BTF3L4: variants seen among roughly 807,000 people sequenced by gnomAD.
The protein encoded by BTF3L4 is basic transcription factor 3 like 4, also known as transcription factor BTF3 homolog 4.
BTF3L4 carries 6 observed loss-of-function variants against 16.8 expected under a neutral mutation model. The observed-to-expected ratio is 0.36, with a 90% confidence interval of 0.20 to 0.71. BTF3L4 has a LOEUF of 0.71. Among genes scored for constraint, BTF3L4 ranks in the 30% least tolerant of loss-of-function variants. The pLI, the probability that BTF3L4 is intolerant of heterozygous loss-of-function variation, is 0.58. For synonymous variants in BTF3L4, 39 were observed against 59.8 expected (o/e 0.65, Z 1.60); for missense variants, 92 against 186.9 (o/e 0.49, Z 2.96).
intron 3 of BTF3L4, among the ~76,000 whole-genome samples, chr1:52,066,774 A>T (rs1222524435): frequency 6.6e-6 from 1 of 151,596 alleles, no homozygotes; most frequent in Non-Finnish European, 1.5e-5. Flanking sequence ...TGAACCCAGG[A>T]TGGGGAGCTT....
intron 3 of BTF3L4, among the ~76,000 whole-genome samples, chr1:52,072,124 G>A (rs547966352): frequency 1.1e-4 from 16 of 150,346 alleles, no homozygotes; most frequent in Admixed American, 7.3e-4. Context: ...GTGCGATCTC[G>A]GCTCACTGCA....
At chr1:52,067,067 C>G (rs528677806) in intron 3 of BTF3L4, among the ~76,000 whole-genome samples, 70 of 151,892 alleles carry the variant, frequency 4.6e-4, no homozygotes, top group African/African-American at 1.6e-3. Context: ...TGAGACCCGT[C>G]TCTACTAAAT....
At chr1:52,061,539 A>G (rs1686509848) in intron 2 of BTF3L4, among the ~76,000 whole-genome samples, 1 of 151,916 alleles carries the variant, frequency 6.6e-6, no homozygotes, top group Non-Finnish European at 1.5e-5. Flanking sequence ...AGATAGAGTA[A>G]AAAGGGTTGT....
rs1476837068 is a variant in BTF3L4 at position 52,087,669 on chromosome 1, G to A, written c.*911G>A. The A allele has an allele frequency of 2.0e-5, 3 of 152,294 alleles. No individual in the cohort carries two copies. The highest frequency in any genetic ancestry group is 7.2e-5 in the African/African-American group (3 of 41,434). 9.4% of individuals were successfully genotyped at this position (152,294 alleles called of 1,614,324 possible). On this transcript the variant is annotated 3_prime_UTR_variant, in exon 6 of 6. Coordinates refer to ENST00000313334, the MANE Select transcript of BTF3L4 (RefSeq NM_152265.5). Reference sequence around the variant, plus strand: ...GATTTCAAACTGGAATAGCTAGCATGTGCTTGCTAAATAATTTTATGCCAG... The same window carrying A: ...GATTTCAAACTGGAATAGCTAGCATATGCTTGCTAAATAATTTTATGCCAG...
chr1:52,080,537 T>G (rs1396693331), intron 3 of BTF3L4, among the ~76,000 whole-genome samples: 1 of 129,596 alleles, frequency 7.7e-6, no homozygotes, highest in African/African-American at 2.9e-5. Flanking sequence ...TTTTTTTTTT[T>G]TTTTTTTTTT....
chr1:52,071,046 G>A (rs372147578), intron 3 of BTF3L4: 11 of 152,086 alleles, frequency 7.2e-5, no homozygotes, highest in East Asian at 1.9e-4. Flanking sequence ...ATATTTGAAT[G>A]TGCTTGTTAT....
intron 2 of BTF3L4, among the ~76,000 whole-genome samples, chr1:52,064,048 T>G (rs1686584200): frequency 6.6e-6 from 1 of 152,258 alleles, no homozygotes; most frequent in African/African-American, 2.4e-5. Context: ...CTAGGCTACA[T>G]AATCTGGTCC....
In BTF3L4 at chr1:52,083,304, G is replaced by T. The variant is rs2124445879; in HGVS notation, c.169-36G>T. ...AAAATATATTGTTTTAGTGTACCTA[G>T]CATGTGAAGTACATTTTTCTTCTGT... On this transcript the variant is annotated intron_variant, in intron 3 of 5. Coordinates refer to ENST00000313334, the MANE Select transcript of BTF3L4 (RefSeq NM_152265.5). 3 of 1,512,186 alleles carry T rather than the reference G, an allele frequency of 2.0e-6. No homozygotes were observed. In the East Asian group the frequency reaches 6.8e-5, roughly 34 times the overall value. 93.7% of individuals were successfully genotyped at this position (1,512,186 alleles called of 1,614,324 possible).
intron 2 of BTF3L4, among the ~76,000 whole-genome samples, 157 bp from the exon 3 acceptor site, chr1:52,064,668 G>A (rs950761300): frequency 2.6e-5 from 4 of 152,204 alleles, no homozygotes; most frequent in Admixed American, 2.6e-4. Context: ...GCGTTAGGCT[G>A]ACAATCACAA....
intron 4 of BTF3L4, among the ~76,000 whole-genome samples, chr1:52,085,037 TTGAGACAG>T (rs1643958639): frequency 1.4e-5 from 2 of 142,960 alleles, no homozygotes; most frequent in Non-Finnish European, 3.0e-5. Flanking sequence ...TTTTTTTTTT[TTGAGACAG>T]AGTCTTGCTC....
chr1:52,071,931 C>CTGTGTGTGTGTGTG (rs59491944), intron 3 of BTF3L4, among the ~76,000 whole-genome samples: 14 of 127,972 alleles, frequency 1.1e-4, no homozygotes, highest in Middle Eastern at 4.0e-3. Flanking sequence ...GTTTTTTACT[C>CTGTGTGTGTGTGTG]TGTGTGTGTG....
intron 3 of BTF3L4, among the ~76,000 whole-genome samples, chr1:52,067,016 C>T (rs924641602): frequency 2.0e-5 from 3 of 152,006 alleles, no homozygotes; most frequent in African/African-American, 7.2e-5. Flanking sequence ...GTGGGCAGAT[C>T]TTCTGAGGTC....
At position 52,089,706 on chromosome 1, in the gene BTF3L4, T is replaced by C. The variant is rs1644002371; in HGVS notation, c.*2948T>C. The C allele has an allele frequency of 1.3e-5, 2 of 152,208 alleles. No homozygotes were observed. The allele number at this position is 152,208 out of a possible 1,614,324, so 9.4% of individuals were successfully genotyped here. A position where few individuals can be genotyped will look rare whatever the true frequency, so the allele number is the denominator to read the frequency against. On this transcript the variant is annotated 3_prime_UTR_variant, in exon 6 of 6. Transcript: ENST00000313334. Reference sequence around the variant, plus strand: ...TAGTCCTTTGAGGTTTTTTTGTTTTTGTTTTTGTTCTTTGTAAAGCGCCTT... The same window carrying C: ...TAGTCCTTTGAGGTTTTTTTGTTTTCGTTTTTGTTCTTTGTAAAGCGCCTT...
At chr1:52,079,411 C>A (rs1643894447) in intron 3 of BTF3L4, among the ~76,000 whole-genome samples, 1 of 150,066 alleles carries the variant, frequency 6.7e-6, no homozygotes, top group Admixed American at 6.7e-5. Flanking sequence ...AGAAAATATT[C>A]TAGCTGTTTT....
chr1:52,088,610 C>T lies in BTF3L4; in HGVS notation c.*1852C>T, dbSNP rs1490775087. The T allele has an allele frequency of 6.6e-6, 1 of 152,352 alleles. No homozygotes were observed. The highest frequency in any genetic ancestry group is 2.4e-5 in the African/African-American group (1 of 41,418). The allele number at this position is 152,352 out of a possible 1,614,324, so 9.4% of individuals were successfully genotyped here. ...GTGGAGGCAGAGTTAGGGGGAACCA[C>T]TTCAAGTGGTTAGGGACAGATAAAT... On this transcript the variant is annotated 3_prime_UTR_variant, in exon 6 of 6. Coordinates refer to ENST00000313334, the MANE Select transcript of BTF3L4 (RefSeq NM_152265.5).
At position 52,086,840 on chromosome 1, in the gene BTF3L4, A is replaced by T. The variant is rs536957423; in HGVS notation, c.*82A>T. ...CCAAAGTTTTACAGACATGGAGAAC[A>T]TCACCTGTTACTAGTTCAGTAATAT... On this transcript the variant is annotated 3_prime_UTR_variant, in exon 6 of 6. Transcript: ENST00000313334. The T allele has an allele frequency of 6.4e-4, 496 of 772,196 alleles. 1 individual carries two copies. Among genetic ancestry groups the T allele is most frequent in the Admixed American group, 9.8e-4 (38 of 38,784 alleles). 47.8% of individuals were successfully genotyped at this position (772,196 alleles called of 1,614,324 possible).
In BTF3L4 at chr1:52,083,348, G is replaced by A; in HGVS notation, c.177G>A (p.Met59Ile). ...NNIAGIEEVNMIKDDGTVIHF... is the reference protein window; with the variant it reads ...NNIAGIEEVNIIKDDGTVIHF... ...CTTCTGTGATCATACAGGTGAACAT[G>A]ATTAAAGATGATGGGACAGTTATTC... Residue 59 changes from methionine to isoleucine, a missense_variant, in exon 4 of 6, where the codon ATG (methionine) becomes ATA (isoleucine). By Grantham distance (10) the Met-to-Ile change is conservative. Transcript: ENST00000313334. 2 of 1,612,448 alleles carry A rather than the reference G, an allele frequency of 1.2e-6. No individual in the cohort carries two copies. The highest frequency in any genetic ancestry group is 8.5e-7 in the Non-Finnish European group (1 of 1,178,704).
chr1:52,077,022 G>A (rs1205493363), intron 3 of BTF3L4, among the ~76,000 whole-genome samples: 1 of 152,102 alleles, frequency 6.6e-6, no homozygotes, highest in Non-Finnish European at 1.5e-5. Context: ...TAAAAAATTA[G>A]CCAGGCATGG....
intron 3 of BTF3L4, among the ~76,000 whole-genome samples, chr1:52,072,693 T>G (rs144279951): frequency 6.6e-6 from 1 of 152,340 alleles, no homozygotes; most frequent in Non-Finnish European, 1.5e-5. Context: ...TATTCCATTG[T>G]ATGCGTATAC....
Sources: gnomAD v4.1 joint callset for allele counts (sites outside exome capture counted in the v4.1 genomes callset) on GRCh38, gnomAD v4.1.1 for gene constraint, MANE v1.5 for transcripts, NCBI Gene and HGNC (gene_info 2026-07-23, HGNC 2026-07-21) for gene names.